STXBP6: variants seen among roughly 807,000 people sequenced by gnomAD.
STXBP6 encodes the protein syntaxin binding protein 6.
A neutral mutation model predicts 26.9 loss-of-function variants in STXBP6; 21 were observed. The ratio of observed to expected loss-of-function variants is 0.78; its 90% CI spans 0.55 to 1.12. STXBP6 has a LOEUF of 1.12. STXBP6 is among the 50% of genes most tolerant of loss of function. STXBP6 has a pLI of 0.00. For synonymous variants in STXBP6, 97 were observed against 92.6 expected, an observed-to-expected ratio of 1.05 and a Z score of -0.27; for missense variants, 232 against 257.9, an observed-to-expected ratio of 0.90 and a Z score of 0.69.
chr14:24,936,155 G>A (rs2072589563), intron 2 of STXBP6, among the ~76,000 whole-genome samples: 1 of 152,160 alleles, frequency 6.6e-6, no homozygotes, highest in African/African-American at 2.4e-5. Flanking sequence ...AAACTTTACA[G>A]CCATTTGAGA....
At chr14:25,012,629 A>C (rs190679509) in intron 1 of STXBP6, among the ~76,000 whole-genome samples, 6 of 152,284 alleles carry the variant, frequency 3.9e-5, no homozygotes, top group African/African-American at 7.2e-5. Flanking sequence ...AACAAACAAA[A>C]AAACATACAT....
intron 2 of STXBP6, among the ~76,000 whole-genome samples, chr14:24,872,433 C>A (rs1183583142): frequency 6.6e-6 from 1 of 152,060 alleles, no homozygotes; most frequent in Non-Finnish European, 1.5e-5. Context: ...GCTAGGCATG[C>A]ACATTTTGGA....
At chr14:24,877,539 C>G (rs1211159203) in intron 2 of STXBP6, among the ~76,000 whole-genome samples, 5 of 152,070 alleles carry the variant, frequency 3.3e-5, no homozygotes, top group Admixed American at 6.6e-5. Flanking sequence ...CTCCTTCCCT[C>G]TTTTCCTTAT....
chr14:24,918,736 C>A (rs1248120728), intron 2 of STXBP6, among the ~76,000 whole-genome samples: 1 of 151,960 alleles, frequency 6.6e-6, no homozygotes, highest in African/African-American at 2.4e-5. Flanking sequence ...TACATTCTCA[C>A]CCTAGAACAC....
chr14:25,044,462 T>C (rs2332464), intron 1 of STXBP6, among the ~76,000 whole-genome samples: 46,599 of 152,022 alleles, frequency 0.31, 7,243 homozygotes, highest in Non-Finnish European at 0.32. Flanking sequence ...ATCCCCCTAA[T>C]GACTAATGGC....
chr14:24,977,590 G>A (rs568610517), intron 1 of STXBP6, among the ~76,000 whole-genome samples: 77 of 152,240 alleles, frequency 5.1e-4, no homozygotes, highest in African/African-American at 1.8e-3. Flanking sequence ...ACAACATAGA[G>A]ATGTCTTCAC....
chr14:24,915,984 T>C (rs1368595659), intron 2 of STXBP6, among the ~76,000 whole-genome samples: 1 of 152,154 alleles, frequency 6.6e-6, no homozygotes, highest in Non-Finnish European at 1.5e-5. Context: ...AATCATGGTA[T>C]TTTAACTTGA....
intron 2 of STXBP6, among the ~76,000 whole-genome samples, chr14:24,877,110 C>T (rs922786503): frequency 3.3e-5 from 5 of 152,104 alleles, no homozygotes; most frequent in Non-Finnish European, 7.4e-5. Flanking sequence ...ATTAATATAG[C>T]GTGGTTAAAC....
chr14:24,938,680 A>G (rs1225494162), intron 2 of STXBP6, among the ~76,000 whole-genome samples: 1 of 152,072 alleles, frequency 6.6e-6, no homozygotes. Flanking sequence ...TTACATTTTA[A>G]AATATTATTT....
rs529388105 is a variant in STXBP6, at chr14:24,862,653, T to A, written c.155-5496A>T. ...TCTCCAAAAGTGGAAGAAGAAGAGA[T>A]AATGGAAAGTCTAGGAAATTTCTCC... On this transcript the variant is annotated intron_variant, in intron 2 of 5. Transcript: ENST00000323944. 5.9e-5 allele frequency among the ~76,000 whole-genome samples: 9 copies of A among 152,282 alleles called. No individual in the cohort carries two copies. The East Asian group carries it at 1.7e-3, about 29-fold the overall frequency.
chr14:24,931,134 A>AAAAAAAAACAAAAAAACAAAAAC (rs1566486288), intron 2 of STXBP6, among the ~76,000 whole-genome samples: 12 of 117,996 alleles, frequency 1.0e-4, no homozygotes, highest in Admixed American at 1.8e-4. Context: ...AAAAAAAAAA[A>AAAAAAAAACAAAAAAACAAAAAC]AAAAAAAACC....
intron 2 of STXBP6, among the ~76,000 whole-genome samples, chr14:24,936,710 C>T (rs1329108066): frequency 6.6e-6 from 1 of 152,210 alleles, no homozygotes; most frequent in Non-Finnish European, 1.5e-5. Context: ...TATTTCTCTA[C>T]ATCCTCTCCA....
At chr14:24,853,968 G>A (rs1274991208) in intron 4 of STXBP6, among the ~76,000 whole-genome samples, 2 of 152,110 alleles carry the variant, frequency 1.3e-5, no homozygotes, top group African/African-American at 4.8e-5. Context: ...GATTTGAGTA[G>A]TGGCAATTAG....
intron 1 of STXBP6, among the ~76,000 whole-genome samples, chr14:25,003,102 A>G (rs1188496586): frequency 2.0e-5 from 3 of 152,222 alleles, no homozygotes; most frequent in African/African-American, 7.2e-5. Context: ...ACTTTCGGCA[A>G]AAGAATCTTA....
intron 2 of STXBP6, among the ~76,000 whole-genome samples, chr14:24,923,162 C>T (rs1375909076): frequency 6.6e-6 from 1 of 152,040 alleles, no homozygotes; most frequent in African/African-American, 2.4e-5. Context: ...ATGCCCATGT[C>T]ATTATTCATA....
intron 1 of STXBP6, among the ~76,000 whole-genome samples, chr14:24,991,222 G>T (rs1425471922): frequency 6.6e-6 from 1 of 152,122 alleles, no homozygotes; most frequent in African/African-American, 2.4e-5. Flanking sequence ...CAGAACTTCT[G>T]CTCATCTAGT....
At chr14:24,952,854 G>A (rs2073217535) in intron 2 of STXBP6, among the ~76,000 whole-genome samples, 3 of 152,124 alleles carry the variant, frequency 2.0e-5, no homozygotes, top group Admixed American at 2.0e-4. Flanking sequence ...ACTCAGAGGA[G>A]GAAACCATAC....
At chr14:24,869,212 GCTAT>G (rs1566427986) in intron 2 of STXBP6, among the ~76,000 whole-genome samples, 1 of 152,028 alleles carries the variant, frequency 6.6e-6, no homozygotes, top group Admixed American at 6.6e-5. Flanking sequence ...CTCTTTATTG[GCTAT>G]CTCTCTTTTT....
chr14:24,897,971 AGTG>A (rs1010184424), intron 2 of STXBP6, among the ~76,000 whole-genome samples: 1 of 152,190 alleles, frequency 6.6e-6, no homozygotes, highest in African/African-American at 2.4e-5. Context: ...TTGGAAAATC[AGTG>A]GTGAAGTCAT....
Sources: gnomAD v4.1 joint callset for allele counts (sites outside exome capture counted in the v4.1 genomes callset) on GRCh38, gnomAD v4.1.1 for gene constraint, MANE v1.5 for transcripts, NCBI Gene and HGNC (gene_info 2026-07-23, HGNC 2026-07-21) for gene names.